The following TMEM182 variants were observed in gnomAD, a reference collection of about 807,000 sequenced individuals.
The protein encoded by TMEM182 is transmembrane protein 182.
TMEM182 carries 20 observed loss-of-function variants against 26.8 expected under a neutral mutation model. That is an observed-to-expected ratio of 0.75 (90% CI 0.53 to 1.09). TMEM182 has a LOEUF of 1.09. Among genes scored for constraint, TMEM182 ranks in the 50% least tolerant of loss-of-function variants. TMEM182 has a pLI of 0.00. For missense variants in TMEM182, 277 were observed against 275.5 expected, an observed-to-expected ratio of 1.01 and a Z score of -0.04; for synonymous variants, 109 against 102.2, an observed-to-expected ratio of 1.07 and a Z score of -0.40.
chr2:102,782,820 A>G lies in TMEM182; in HGVS notation c.332-15043A>G, dbSNP rs531848070. Among the ~76,000 whole-genome samples the G allele has an allele frequency of 1.7e-4, 26 of 152,306 alleles. No homozygotes were observed. The South Asian group carries it at 5.2e-3, about 30-fold the overall frequency. Reference sequence around the variant, plus strand: ...CATTTTAGTTTTGTATAGAGCATCAATATATTTTTTTTCTTTCTATTTAGA... The same window carrying G: ...CATTTTAGTTTTGTATAGAGCATCAGTATATTTTTTTTCTTTCTATTTAGA... On this transcript the variant is annotated intron_variant, in intron 3 of 4. Coordinates refer to ENST00000412401, the MANE Select transcript of TMEM182 (RefSeq NM_144632.5).
At chr2:102,807,616 A>G (rs1472396530) in intron 4 of TMEM182, among the ~76,000 whole-genome samples, 1 of 152,214 alleles carries the variant, frequency 6.6e-6, no homozygotes, top group Non-Finnish European at 1.5e-5. Context: ...ATTATGACAA[A>G]TATTACTCTT....
At chr2:102,741,671 A>G (rs1239993122) in intron 1 of TMEM182, among the ~76,000 whole-genome samples, 2 of 152,206 alleles carry the variant, frequency 1.3e-5, no homozygotes, top group East Asian at 3.8e-4. Context: ...AAATTTAATC[A>G]TAAGATTATA....
chr2:102,762,214 G>A lies in TMEM182; in HGVS notation c.-4G>A. On this transcript the variant is annotated 5_prime_UTR_variant, in exon 1 of 5. Coordinates refer to ENST00000412401, the MANE Select transcript of TMEM182 (RefSeq NM_144632.5). ...TTATTTAAAAGGAAACCAGTGAATT[G>A]AAAATGAGACTAAATATCGCTATCT... 1 of 1,596,052 alleles carries A rather than the reference G, an allele frequency of 6.3e-7. No individual in the cohort carries two copies.
downstream of TMEM182, among the ~76,000 whole-genome samples, chr2:102,822,646 A>C (rs751836831): frequency 1.3e-5 from 2 of 152,038 alleles, no homozygotes; most frequent in Non-Finnish European, 2.9e-5. Flanking sequence ...GAACCATGGA[A>C]ATGGGTAGAA....
intron 3 of TMEM182, among the ~76,000 whole-genome samples, chr2:102,770,470 G>A (rs528752729): frequency 2.4e-4 from 37 of 152,268 alleles, no homozygotes; most frequent in African/African-American, 8.7e-4. Context: ...CAGGACCTGA[G>A]GACTCTGTCC....
intron 3 of TMEM182, among the ~76,000 whole-genome samples, chr2:102,796,405 A>C (rs887317736): frequency 6.6e-6 from 1 of 152,176 alleles, no homozygotes; most frequent in African/African-American, 2.4e-5. Flanking sequence ...GTTGTTAATG[A>C]TTATACCCCT....
At chr2:102,784,012 G>T (rs542008155) in intron 3 of TMEM182, among the ~76,000 whole-genome samples, 1 of 151,900 alleles carries the variant, frequency 6.6e-6, no homozygotes, top group African/African-American at 2.4e-5. Flanking sequence ...TCCAAACTAC[G>T]CCGGACCTGA....
At chr2:102,833,393 A>G (rs1683185224) in intron 3 of TMEM182, among the ~76,000 whole-genome samples, 3 of 152,148 alleles carry the variant, frequency 2.0e-5, no homozygotes, top group African/African-American at 7.2e-5. Context: ...GTGCATGGGG[A>G]CTAGAAAATC....
At chr2:102,838,445 G>T (rs543141437) in intron 3 of TMEM182, among the ~76,000 whole-genome samples, 2 of 152,306 alleles carry the variant, frequency 1.3e-5, no homozygotes, top group East Asian at 3.9e-4. Flanking sequence ...TGAAGAGGGG[G>T]AAGGGCTGAA....
intron 2 of TMEM182, among the ~76,000 whole-genome samples, chr2:102,763,136 A>T (rs542257319): frequency 1.1e-4 from 17 of 149,100 alleles, no homozygotes; most frequent in African/African-American, 2.6e-4. Flanking sequence ...TATTTTTTTT[A>T]AAAAAATCAT....
chr2:102,740,179 A>G (rs1679503268), intron 1 of TMEM182, among the ~76,000 whole-genome samples: 1 of 152,222 alleles, frequency 6.6e-6, no homozygotes, highest in Non-Finnish European at 1.5e-5. Flanking sequence ...TGAGTAAAAT[A>G]CTGTAGCAAG....
intron 3 of TMEM182, among the ~76,000 whole-genome samples, chr2:102,842,637 C>G (rs1683376576): frequency 6.6e-6 from 1 of 152,190 alleles, no homozygotes; most frequent in East Asian, 1.9e-4. Flanking sequence ...CCTTCCAAAC[C>G]AAAGGGCATG....
chr2:102,828,368 A>G (rs1036973566), intron 3 of TMEM182, among the ~76,000 whole-genome samples: 1 of 152,192 alleles, frequency 6.6e-6, no homozygotes, highest in Non-Finnish European at 1.5e-5. Context: ...CAGGGCTGAT[A>G]TGTGTCATAA....
intron 3 of TMEM182, among the ~76,000 whole-genome samples, chr2:102,784,872 C>T (rs1414249522): frequency 6.6e-6 from 1 of 152,108 alleles, no homozygotes; most frequent in African/African-American, 2.4e-5. Flanking sequence ...GGGTTTTTGC[C>T]AGCTTCTTTA....
intron 3 of TMEM182, among the ~76,000 whole-genome samples, chr2:102,793,434 T>C (rs1681733024): frequency 6.6e-6 from 1 of 152,198 alleles, no homozygotes; most frequent in Non-Finnish European, 1.5e-5. Context: ...CACTCTAAGC[T>C]ATCATTTAAA....
At chr2:102,773,384 G>A (rs1004999971) in intron 3 of TMEM182, among the ~76,000 whole-genome samples, 6 of 151,926 alleles carry the variant, frequency 3.9e-5, no homozygotes, top group African/African-American at 1.5e-4. Context: ...GCTCTGTAAT[G>A]TGGCCAGGGG....
chr2:102,768,789 A>G (rs1558761167), intron 3 of TMEM182, among the ~76,000 whole-genome samples: 1 of 151,532 alleles, frequency 6.6e-6, no homozygotes, highest in African/African-American at 2.4e-5. Context: ...TTTTATTGTC[A>G]ATGTTTATTT....
intron 4 of TMEM182, among the ~76,000 whole-genome samples, chr2:102,799,326 T>C (rs1305124735): frequency 6.6e-6 from 1 of 152,198 alleles, no homozygotes; most frequent in East Asian, 1.9e-4. Flanking sequence ...CTGCATAAGA[T>C]TGTGCTTAAT....
chr2:102,802,411 C>T (rs1682181322), intron 4 of TMEM182, among the ~76,000 whole-genome samples: 1 of 152,176 alleles, frequency 6.6e-6, no homozygotes, highest in Non-Finnish European at 1.5e-5. Context: ...CTCAGGCAGG[C>T]CAGGCCACCT....
Sources: gnomAD v4.1 joint callset for allele counts (sites outside exome capture counted in the v4.1 genomes callset) on GRCh38, gnomAD v4.1.1 for gene constraint, MANE v1.5 for transcripts, NCBI Gene and HGNC (gene_info 2026-07-23, HGNC 2026-07-21) for gene names.